Variants in NCKAP5 observed in about 807,000 individuals in gnomAD.
NCKAP5 encodes NCK associated protein 5, also known as nck-associated protein 5.
NCKAP5 carries 92 observed loss-of-function variants against 167.0 expected under a neutral mutation model. The ratio of observed to expected loss-of-function variants is 0.55; its 90% CI spans 0.47 to 0.66. The LOEUF is 0.66. Among genes scored for constraint, NCKAP5 ranks in the 30% least tolerant of loss-of-function variants. The probability of loss-of-function intolerance (pLI) is 0.00; values close to 1 mark genes in which losing one functional copy is unlikely to be tolerated. For missense variants in NCKAP5, 2,378 were observed against 2,315.0 expected (o/e 1.03, Z -0.56); for synonymous variants, 891 against 877.4 (o/e 1.02, Z -0.27).
chr2:133,092,589 A>C (rs58260696), intron 6 of NCKAP5, among the ~76,000 whole-genome samples: 9,962 of 152,226 alleles, frequency 0.065, 1,041 homozygotes, highest in African/African-American at 0.22. Context: ...AAAATAACAT[A>C]ATTTTTTTTC....
the NCKAP5 span, among the ~76,000 whole-genome samples, chr2:133,656,793 G>A: frequency 0.13 from 19,563 of 151,960 alleles, 2,571 homozygotes; most frequent in East Asian, 0.37. Flanking sequence ...TTACTTTTCC[G>A]TAAGTTATTG....
intron 6 of NCKAP5, among the ~76,000 whole-genome samples, chr2:133,031,209 T>A (rs1437902): frequency 0.14 from 20,917 of 152,080 alleles, 1,639 homozygotes; most frequent in South Asian, 0.18. Context: ...GAGATTTTTT[T>A]AAAAATCCTG....
In NCKAP5 at chr2:133,523,213, G is replaced by A. The variant is rs186178589; in HGVS notation, c.-61-5626C>T. Among the ~76,000 whole-genome samples, 87 of 148,888 alleles carry A rather than the reference G, an allele frequency of 5.8e-4. 1 individual carries two copies. The highest frequency in any genetic ancestry group is 1.6e-3 in the African/African-American group (64 of 40,380). On this transcript the variant is annotated intron_variant, in intron 2 of 19. Coordinates refer to ENST00000409261, the MANE Select transcript of NCKAP5 (RefSeq NM_207363.3). ...TAAATTCTATTTTCTGATATACTTC[G>A]TTAACAGGCTGTATAATTTTCAAGA...
intron 8 of NCKAP5, among the ~76,000 whole-genome samples, chr2:132,897,849 GAGCCTTC>G (rs1460440742): frequency 1.3e-5 from 2 of 152,304 alleles, no homozygotes; most frequent in East Asian, 3.9e-4. Flanking sequence ...ACGATTATCT[GAGCCTTC>G]AGCATGCTGG....
At chr2:133,409,638 G>A (rs187488868) in intron 3 of NCKAP5, among the ~76,000 whole-genome samples, 53 of 152,216 alleles carry the variant, frequency 3.5e-4, no homozygotes, top group South Asian at 1.2e-3. Context: ...GTTAGGGTTC[G>A]TCATGGGCTT....
At chr2:133,213,628 T>C (rs1487289522) in intron 5 of NCKAP5, 88 bp downstream of exon 5, 20 of 1,250,670 alleles carry the variant, frequency 1.6e-5, no homozygotes, top group South Asian at 2.5e-5. Flanking sequence ...GCAAATATTT[T>C]CCTTAGATAT....
At chr2:133,424,268 C>T (rs1344489384) in intron 3 of NCKAP5, among the ~76,000 whole-genome samples, 1 of 152,180 alleles carries the variant, frequency 6.6e-6, no homozygotes, top group Non-Finnish European at 1.5e-5. Context: ...TGTTAATGCT[C>T]TCAATTTTCT....
rs1692524534 is a variant in NCKAP5, at chr2:133,465,650, C to A, written c.69+51808G>T. ...ACAGTGTAAAAGTGTTCCTATTTTT[C>A]CACATCCTCTCCAGCACCTGTTGTT... On this transcript the variant is annotated intron_variant, in intron 3 of 19. Transcript: ENST00000409261. 2.0e-5 allele frequency among the ~76,000 whole-genome samples: 3 copies of A among 152,066 alleles called. No homozygotes were observed. The South Asian group carries it at 6.2e-4, about 32-fold the overall frequency.
chr2:133,548,554 A>G (rs1311336817), intron 2 of NCKAP5, among the ~76,000 whole-genome samples: 12 of 152,076 alleles, frequency 7.9e-5, no homozygotes, highest in Non-Finnish European at 4.4e-5. Context: ...ACAAGCCAGA[A>G]CAGAGTGGGG....
At position 133,346,059 on chromosome 2, in the gene NCKAP5, C is replaced by G. The variant is rs145006213; in HGVS notation, c.70-42949G>C. Among the ~76,000 whole-genome samples the G allele has an allele frequency of 5.3e-3, 802 of 152,250 alleles. 9 individuals carry two copies. Among genetic ancestry groups the G allele is most frequent in the African/African-American group, 0.018 (750 of 41,544 alleles). The stretch of plus-strand genomic sequence containing the variant: ...AATGAGAGACTTCTGGTAGGTTTCC[C>G]TATCAATTATATTCTAAATCTGACA... On this transcript the variant is annotated intron_variant, in intron 3 of 19. Coordinates refer to ENST00000409261, the MANE Select transcript of NCKAP5 (RefSeq NM_207363.3).
intron 17 of NCKAP5, 114 bp downstream of exon 17, chr2:132,731,623 T>C (rs1343011386): frequency 8.7e-7 from 1 of 1,147,436 alleles, no homozygotes; most frequent in Non-Finnish European, 1.2e-6. Context: ...GAAGGAATTT[T>C]CACATATCTA....
chr2:132,804,000 A>G (rs1685237460), intron 11 of NCKAP5, among the ~76,000 whole-genome samples: 2 of 152,314 alleles, frequency 1.3e-5, no homozygotes, highest in South Asian at 2.1e-4. Flanking sequence ...GTAAGAGAAT[A>G]TTCTGTGCAA....
Position 133,073,627 on chromosome 2 carries a change from C to T in NCKAP5, c.341+56351G>A, listed in dbSNP as rs1193743878. 3.3e-5 allele frequency among the ~76,000 whole-genome samples: 5 copies of T among 152,142 alleles called. No individual in the cohort carries two copies. In the East Asian group the frequency reaches 9.6e-4, roughly 29 times the overall value. On this transcript the variant is annotated intron_variant, in intron 6 of 19. Coordinates refer to ENST00000409261, the MANE Select transcript of NCKAP5 (RefSeq NM_207363.3). ...GCTGATTGCTGAAAACAAAAAGAAT[C>T]ATCAATTAGAGGACTTTAACAGAAC...
the NCKAP5 span, among the ~76,000 whole-genome samples, chr2:133,610,387 G>T: frequency 6.6e-6 from 1 of 152,282 alleles, no homozygotes; most frequent in South Asian, 2.1e-4. Flanking sequence ...CACTGGAAGG[G>T]TGAGGAAGAA....
intron 3 of NCKAP5, among the ~76,000 whole-genome samples, chr2:133,385,977 T>C (rs538944591): frequency 9.2e-5 from 14 of 152,358 alleles, no homozygotes; most frequent in African/African-American, 2.9e-4. Context: ...ATCAATTTTG[T>C]TGATCTTTTC....
intron 10 of NCKAP5, among the ~76,000 whole-genome samples, chr2:132,861,754 A>C (rs1218567188): frequency 3.3e-5 from 5 of 152,106 alleles, no homozygotes; most frequent in Admixed American, 3.3e-4. Flanking sequence ...ATCAGCCCTC[A>C]ATGCCTCCTT....
chr2:132,853,346 G>T (rs1675738933), intron 11 of NCKAP5, among the ~76,000 whole-genome samples: 1 of 152,098 alleles, frequency 6.6e-6, no homozygotes, highest in Non-Finnish European at 1.5e-5. Context: ...TAACTGGCTG[G>T]GGCTGGCTGC....
At chr2:133,344,885 G>A (rs983910912) in intron 3 of NCKAP5, among the ~76,000 whole-genome samples, 4 of 152,002 alleles carry the variant, frequency 2.6e-5, no homozygotes, top group African/African-American at 9.7e-5. Context: ...GAGATGTCAA[G>A]CAGGTAGCGG....
At chr2:132,927,631 C>T (rs1342919371) in intron 8 of NCKAP5, among the ~76,000 whole-genome samples, 2 of 151,762 alleles carry the variant, frequency 1.3e-5, no homozygotes, top group Non-Finnish European at 2.9e-5. Flanking sequence ...TGTTTTTTTG[C>T]AGTTCATTTA....
Sources: allele counts gnomAD v4.1 joint callset (sites outside exome capture counted in the v4.1 genomes callset), GRCh38; gene constraint gnomAD v4.1.1; transcripts MANE v1.5; gene names NCBI Gene and HGNC (gene_info 2026-07-23, HGNC 2026-07-21).